Variants in DGKB observed in about 807,000 individuals in gnomAD.
DGKB encodes the protein diacylglycerol kinase beta, also known as 90 kDa diacylglycerol kinase.
DGKB carries 67 observed loss-of-function variants against 114.3 expected under a neutral mutation model. The ratio of observed to expected loss-of-function variants is 0.59; its 90% CI spans 0.48 to 0.72. DGKB has a LOEUF of 0.72. Ranked by LOEUF, DGKB falls within the 30% of genes least tolerant of loss-of-function variation. DGKB has a pLI of 0.00. For missense variants in DGKB, 907 were observed against 975.2 expected (o/e 0.93, Z 0.93); for synonymous variants, 398 against 323.1 (o/e 1.23, Z -2.49).
intron 9 of DGKB, among the ~76,000 whole-genome samples, chr7:14,692,226 C>A (rs1822999173): frequency 6.6e-6 from 1 of 151,982 alleles, no homozygotes; most frequent in Non-Finnish European, 1.5e-5. Context: ...AAAATACGGG[C>A]AACTGACTGT....
chr7:14,354,324 A>G (rs1362966881), intron 21 of DGKB, among the ~76,000 whole-genome samples: 3 of 152,202 alleles, frequency 2.0e-5, no homozygotes, highest in Non-Finnish European at 2.9e-5. Flanking sequence ...ATTGTTTTCA[A>G]TAAGTTTTAA....
chr7:14,375,686 G>T (rs1007680677), intron 21 of DGKB, among the ~76,000 whole-genome samples: 1 of 152,166 alleles, frequency 6.6e-6, no homozygotes, highest in African/African-American at 2.4e-5. Flanking sequence ...ATAAATAGAT[G>T]CCTCACGCTG....
intron 23 of DGKB, among the ~76,000 whole-genome samples, chr7:14,260,694 C>A (rs374010994): frequency 6.6e-6 from 1 of 152,106 alleles, no homozygotes; most frequent in African/African-American, 2.4e-5. Flanking sequence ...CAACAAGGCA[C>A]TTTTAGTTAA....
chr7:14,188,273 G>T (rs564407480), intron 23 of DGKB, among the ~76,000 whole-genome samples: 7 of 152,152 alleles, frequency 4.6e-5, no homozygotes, highest in African/African-American at 7.2e-5. Flanking sequence ...GGAAAGAGAC[G>T]GAGAAAAGCA....
intron 4 of DGKB, among the ~76,000 whole-genome samples, chr7:14,747,595 C>G (rs2128424666): frequency 6.6e-6 from 1 of 152,180 alleles, no homozygotes; most frequent in Middle Eastern, 3.4e-3. Context: ...ATTTAGGCAT[C>G]AGAGTTTCTA....
chr7:14,861,250 A>G (rs1850935775), intron 1 of DGKB, among the ~76,000 whole-genome samples: 1 of 151,966 alleles, frequency 6.6e-6, no homozygotes, highest in Non-Finnish European at 1.5e-5. Flanking sequence ...GTACAAAACT[A>G]TTTCTGCTCA....
At chr7:14,338,168 C>T (rs1318451368) in intron 23 of DGKB, among the ~76,000 whole-genome samples, 2 of 152,078 alleles carry the variant, frequency 1.3e-5, no homozygotes, top group African/African-American at 4.8e-5. Context: ...GCCTTAACTA[C>T]GTCCTTATTC....
intron 2 of DGKB, among the ~76,000 whole-genome samples, chr7:14,828,327 A>G (rs1845968937): frequency 6.6e-6 from 1 of 152,138 alleles, no homozygotes; most frequent in Admixed American, 6.6e-5. Flanking sequence ...AAGAGAAGCA[A>G]GATGGGAAGT....
chr7:14,595,781 G>A (rs1354438792), intron 17 of DGKB, among the ~76,000 whole-genome samples: 3 of 151,686 alleles, frequency 2.0e-5, no homozygotes, highest in Non-Finnish European at 2.9e-5. Flanking sequence ...TTGTACTGAG[G>A]TTAAAAGATA....
intron 2 of DGKB, among the ~76,000 whole-genome samples, chr7:14,759,573 A>G (rs1474009306): frequency 2.0e-5 from 3 of 152,162 alleles, no homozygotes; most frequent in Admixed American, 1.3e-4. Flanking sequence ...TCCATGTTAT[A>G]ACATGTATCA....
chr7:14,757,604 C>A (rs1022421952), intron 3 of DGKB, 51 bp downstream of exon 3: 2 of 1,030,116 alleles, frequency 1.9e-6, no homozygotes, highest in South Asian at 2.7e-5. Context: ...TTAAGAAATA[C>A]CCTCTTCCAA....
At chr7:14,643,473 C>T (rs1812242785) in intron 13 of DGKB, among the ~76,000 whole-genome samples, 1 of 152,102 alleles carries the variant, frequency 6.6e-6, no homozygotes, top group African/African-American at 2.4e-5. Context: ...GCCAAATAGC[C>T]CCTGTATCTC....
intron 21 of DGKB, among the ~76,000 whole-genome samples, chr7:14,348,776 C>T (rs185512081): frequency 6.6e-6 from 1 of 151,644 alleles, no homozygotes; most frequent in East Asian, 2.0e-4. Flanking sequence ...TCTCAAGAGT[C>T]CTGCAAGCTT....
chr7:14,225,555 T>C lies in DGKB; in HGVS notation c.2123-47404A>G, dbSNP rs563893391. ...TTTTAAAAAATCTAGCTACTTGTAT[T>C]AATGAAATGTTTGTCCTTTTTTTAT... On this transcript the variant is annotated intron_variant, in intron 23 of 25. Transcript: ENST00000402815. Among the ~76,000 whole-genome samples the C allele has an allele frequency of 6.6e-5, 10 of 152,198 alleles. No homozygotes were observed. The South Asian group carries it at 2.1e-3, about 32-fold the overall frequency.
At chr7:14,220,146 G>A (rs887719503) in intron 23 of DGKB, among the ~76,000 whole-genome samples, 1 of 151,548 alleles carries the variant, frequency 6.6e-6, no homozygotes, top group South Asian at 2.1e-4. Context: ...GAATACTGTA[G>A]ACAACTAACT....
At chr7:14,198,451 C>T (rs904706136) in intron 23 of DGKB, among the ~76,000 whole-genome samples, 4 of 151,976 alleles carry the variant, frequency 2.6e-5, no homozygotes, top group African/African-American at 9.7e-5. Context: ...GTCTTAACAT[C>T]TAAATCAGTC....
At position 14,953,210 on chromosome 7, in the gene DGKB, G is replaced by A. The variant is rs534803336; in HGVS notation, c.-188+21486C>T. ...AAAAAAGAAAATATGTAAGTGAACA[G>A]GACTTCAAAATTTTAAAGTTCTGTG... On this transcript the variant is annotated intron_variant, in intron 1 of 4. Coordinates refer to the DGKB transcript ENST00000437998. Among the ~76,000 whole-genome samples, 3 of 152,084 alleles carry A rather than the reference G, an allele frequency of 2.0e-5. No homozygotes were observed. In the East Asian group the frequency reaches 5.8e-4, roughly 29 times the overall value.
intron 20 of DGKB, among the ~76,000 whole-genome samples, chr7:14,507,645 A>G (rs1025072523): frequency 3.9e-5 from 6 of 152,116 alleles, no homozygotes; most frequent in Non-Finnish European, 5.9e-5. Flanking sequence ...AGGGAGGGCC[A>G]TATGTTGAAC....
chr7:14,897,152 G>C (rs1782231056), intron 1 of DGKB, among the ~76,000 whole-genome samples: 1 of 151,516 alleles, frequency 6.6e-6, no homozygotes, highest in African/African-American at 2.4e-5. Flanking sequence ...GACCTAAGAT[G>C]GTACTTTAAA....
Sources: allele counts gnomAD v4.1 joint callset (sites outside exome capture counted in the v4.1 genomes callset), GRCh38; gene constraint gnomAD v4.1.1; transcripts MANE v1.5; gene names NCBI Gene and HGNC (gene_info 2026-07-23, HGNC 2026-07-21).